The following FBN3 variants were observed in gnomAD, a reference collection of about 807,000 sequenced individuals.
FBN3 encodes fibrillin 3.
FBN3 carries 234 observed loss-of-function variants against 330.1 expected under a neutral mutation model. The ratio of observed to expected loss-of-function variants is 0.71; its 90% CI spans 0.64 to 0.79. The LOEUF is 0.79. Among genes scored for constraint, FBN3 ranks in the 30% least tolerant of loss-of-function variants. The probability of loss-of-function intolerance (pLI) is 0.00; values close to 1 mark genes in which losing one functional copy is unlikely to be tolerated. For missense variants in FBN3, 3,606 were observed against 3,886.9 expected (o/e 0.93, Z 1.92); for synonymous variants, 1,458 against 1,517.3 (o/e 0.96, Z 0.91).
At chr19:8,100,659 C>T (rs2082308124) in intron 41 of FBN3, among the ~76,000 whole-genome samples, 1 of 152,082 alleles carries the variant, frequency 6.6e-6, no homozygotes, top group East Asian at 1.9e-4. Context: ...TTTTATGTTG[C>T]ATATATTTTA....
chr19:8,091,423 C>G (rs752987141), intron 48 of FBN3, 42 bp downstream of exon 48: 1 of 1,607,822 alleles, frequency 6.2e-7, no homozygotes. Context: ...CCCTTCCCCG[C>G]CCCACTTCCC....
rs1378375047 is a variant in FBN3, at chr19:8,096,314, T to C, written c.5539+130A>G. ...AGGCAGATCAACCATTTACCCAAGA[T>C]CTTAATCTCAGGACCCAAACTTGGA... On this transcript the variant is annotated intron_variant, in intron 44 of 63. Coordinates refer to ENST00000600128, the MANE Select transcript of FBN3 (RefSeq NM_032447.5). The surrounding 1 kb of genome is among the most constrained non-coding windows in gnomAD (Gnocchi z 4.6). 10 of 1,194,560 alleles carry C rather than the reference T, an allele frequency of 8.4e-6. No individual in the cohort carries two copies. The highest frequency in any genetic ancestry group is 1.2e-5 in the Non-Finnish European group (10 of 858,964). The allele number at this position is 1,194,560 out of a possible 1,614,324, so 74.0% of individuals were successfully genotyped here. A position where few individuals can be genotyped will look rare whatever the true frequency, so the allele number is the denominator to read the frequency against.
chr19:8,118,800 C>T (rs1251841343), intron 26 of FBN3, 97 bp downstream of exon 26: 2 of 1,455,936 alleles, frequency 1.4e-6, no homozygotes, highest in South Asian at 1.3e-5. Context: ...TACACATGCC[C>T]ACCCTCTCAC....
chr19:8,102,010 G>C (rs1344078301), intron 40 of FBN3, among the ~76,000 whole-genome samples: 1 of 152,152 alleles, frequency 6.6e-6, no homozygotes, highest in Non-Finnish European at 1.5e-5. Flanking sequence ...AGTCATGGGG[G>C]TGGGTCTTTC....
chr19:8,114,179 A>G (rs554324781), intron 30 of FBN3, among the ~76,000 whole-genome samples: 15 of 152,206 alleles, frequency 9.9e-5, no homozygotes, highest in African/African-American at 3.6e-4. Flanking sequence ...AACCCTGTAG[A>G]CACCTTGATT....
Position 8,104,306 on chromosome 19 carries a change from T to C in FBN3, c.4814-619A>G, listed in dbSNP as rs369336392. The stretch of plus-strand genomic sequence containing the variant: ...GGGCAACATAGTGAGGTCCCATCTC[T>C]ACAAAAAATGAAAATTTAGCTGGGC... On this transcript the variant is annotated intron_variant, in intron 38 of 63. Transcript: ENST00000600128. 9.9e-5 allele frequency among the ~76,000 whole-genome samples: 15 copies of C among 150,904 alleles called. No individual in the cohort carries two copies. The South Asian group carries it at 3.2e-3, about 32-fold the overall frequency.
intron 30 of FBN3, 112 bp from the exon 31 acceptor site, chr19:8,112,211 A>G: frequency 8.7e-7 from 1 of 1,154,662 alleles, no homozygotes; most frequent in Non-Finnish European, 1.2e-6. Context: ...CTGGCCCAGA[A>G]AGCCTCCTCC....
chr19:8,109,780 C>G lies in FBN3; in HGVS notation c.4334-27G>C, dbSNP rs748723803. The G allele has an allele frequency of 2.1e-6, 3 of 1,436,782 alleles. No individual in the cohort carries two copies. The highest frequency in any genetic ancestry group is 1.4e-5 in the African/African-American group (1 of 68,972). The allele number at this position is 1,436,782 out of a possible 1,614,324, so 89.0% of individuals were successfully genotyped here. A position where few individuals can be genotyped will look rare whatever the true frequency, so the allele number is the denominator to read the frequency against. On this transcript the variant is annotated intron_variant, in intron 34 of 63. Coordinates refer to ENST00000600128, the MANE Select transcript of FBN3 (RefSeq NM_032447.5). The surrounding 1 kb of genome is among the most constrained non-coding windows in gnomAD (Gnocchi z 5.2). Reference sequence around the variant, plus strand: ...TGTAGGGAGGAAGCGCGGTCCTCAGCAGGGAGCCCCTTCCTCGGCCCCCCT... The same window carrying G: ...TGTAGGGAGGAAGCGCGGTCCTCAGGAGGGAGCCCCTTCCTCGGCCCCCCT...
At chr19:8,113,461 G>A (rs1230932190) in intron 30 of FBN3, among the ~76,000 whole-genome samples, 1 of 152,032 alleles carries the variant, frequency 6.6e-6, no homozygotes, top group Non-Finnish European at 1.5e-5. Context: ...AAACACCTGA[G>A]CTCAAGAATC....
In FBN3 at chr19:8,075,265, G is replaced by T; in HGVS notation, c.7582+18C>A. ...CAACACCCCCAAACACTAGACCCCA[G>T]CCAAAGCTGGGCTGTACCTTCACAG... On this transcript the variant is annotated intron_variant, in intron 60 of 63. Coordinates refer to ENST00000600128, the MANE Select transcript of FBN3 (RefSeq NM_032447.5). The T allele has an allele frequency of 6.2e-7, 1 of 1,603,480 alleles. No homozygotes were observed. Among genetic ancestry groups the T allele is most frequent in the Non-Finnish European group, 8.5e-7 (1 of 1,172,628 alleles).
chr19:8,094,414 C>T (rs370623151), intron 47 of FBN3, 32 bp downstream of exon 47: 198 of 1,582,738 alleles, frequency 1.3e-4, no homozygotes, highest in African/African-American at 5.5e-4. Flanking sequence ...CACTCCCTGG[C>T]GCCAGAAACG....
At chr19:8,091,223 C>T (rs2082087799) in intron 48 of FBN3, among the ~76,000 whole-genome samples, 1 of 152,192 alleles carries the variant, frequency 6.6e-6, no homozygotes, top group Non-Finnish European at 1.5e-5. Flanking sequence ...GTGACCAATA[C>T]AAGGAAAACC....
chr19:8,125,010 C>A (rs1372646919), intron 22 of FBN3, among the ~76,000 whole-genome samples: 1 of 152,202 alleles, frequency 6.6e-6, no homozygotes, highest in African/African-American at 2.4e-5. Context: ...TCCATCGTAA[C>A]AAATGCACCT....
rs781440882 is a variant in FBN3 at position 8,073,200 on chromosome 19, G to A, written c.7800C>T (p.Asp2600=). Residue 2600 remains aspartate, a synonymous_variant, in exon 62 of 64, where the codon GAC becomes GAT. Coordinates refer to ENST00000600128, the MANE Select transcript of FBN3 (RefSeq NM_032447.5). The part of the protein sequence containing the change: ...GFRCVCPSGF[D]FDQALGGCQE... ...GGCAGCCCCCGAGGGCCTGATCAAAGTCAAAGCCAGAGGGGCAGACGCAGC... is the reference window on the plus strand; with the variant it reads ...GGCAGCCCCCGAGGGCCTGATCAAAATCAAAGCCAGAGGGGCAGACGCAGC... The A allele has an allele frequency of 6.2e-7, 1 of 1,614,054 alleles. No homozygotes were observed. Among genetic ancestry groups the A allele is most frequent in the South Asian group, 1.1e-5 (1 of 91,082 alleles).
In FBN3 at chr19:8,118,901, A is replaced by C; in HGVS notation, c.3333T>G (p.Cys1111Trp). ...CACACCCAGATGCACACTTACCCTC[A>C]CAGGCAGTGCCCTTGGCCGTCAGCT... ...GHELTAKGTA[C>W]EDIDECSLSD... The change falls in exon 26 of 64, where the codon TGT (cysteine) becomes TGG (tryptophan). Residue 1111 changes from cysteine to tryptophan, a missense_variant. By Grantham distance (215) the Cys-to-Trp change is radical. Coordinates refer to ENST00000600128, the MANE Select transcript of FBN3 (RefSeq NM_032447.5). The C allele has an allele frequency of 6.2e-7, 1 of 1,610,350 alleles. No individual in the cohort carries two copies. Among genetic ancestry groups the C allele is most frequent in the Non-Finnish European group, 8.5e-7 (1 of 1,176,866 alleles).
intron 30 of FBN3, among the ~76,000 whole-genome samples, chr19:8,113,265 AAAC>A (rs1176830847): frequency 2.0e-5 from 3 of 151,802 alleles, no homozygotes; most frequent in African/African-American, 7.3e-5. Context: ...GTTTCTACAA[AAAC>A]ACTTTTTTTT....
At chr19:8,105,442 G>A (rs1250563381) in intron 38 of FBN3, among the ~76,000 whole-genome samples, 1 of 151,850 alleles carries the variant, frequency 6.6e-6, no homozygotes, top group Non-Finnish European at 1.5e-5. Flanking sequence ...ATTTTTTGTA[G>A]AGACAAGGTT....
Position 8,096,383 on chromosome 19 carries a change from A to G in FBN3, c.5539+61T>C. The G allele has an allele frequency of 1.3e-6, 2 of 1,568,788 alleles. No individual in the cohort carries two copies. The highest frequency in any genetic ancestry group is 8.7e-7 in the Non-Finnish European group (1 of 1,154,384). ...TGGACAGAAACACCACTTCCATCCCAGGGGAGGTTTAGACCCCAGGCAGCC... is the reference window on the plus strand; with the variant it reads ...TGGACAGAAACACCACTTCCATCCCGGGGGAGGTTTAGACCCCAGGCAGCC... On this transcript the variant is annotated intron_variant, in intron 44 of 63. Coordinates refer to ENST00000600128, the MANE Select transcript of FBN3 (RefSeq NM_032447.5). This position sits in a 1 kb window ranked among gnomAD's most constrained non-coding sequence, Gnocchi z 4.6.
At position 8,117,559 on chromosome 19, in the gene FBN3, A is replaced by G. The variant is rs772914032; in HGVS notation, c.3368T>C (p.Leu1123Pro). 77 of 1,556,386 alleles carry G rather than the reference A, an allele frequency of 4.9e-5. No homozygotes were observed. Among genetic ancestry groups the G allele is most frequent in the Non-Finnish European group, 6.3e-5 (73 of 1,149,726 alleles). Residue 1123 changes from leucine to proline, a missense_variant, in exon 27 of 64, where the codon CTG (leucine) becomes CCG (proline). Coordinates refer to ENST00000600128, the MANE Select transcript of FBN3 (RefSeq NM_032447.5). ...ATTGACACACTGGCCATGGGGACAC[A>G]GGCCATCACTCAGGGAGCACTCATC... Reference protein sequence around the residue: ...DIDECSLSDGLCPHGQCVNVI... With the variant: ...DIDECSLSDGPCPHGQCVNVI...
Sources: allele counts gnomAD v4.1 joint callset (sites outside exome capture counted in the v4.1 genomes callset), GRCh38; gene constraint gnomAD v4.1.1; non-coding constraint Gnocchi (gnomAD v3.1); transcripts MANE v1.5; gene names NCBI Gene and HGNC (gene_info 2026-07-23, HGNC 2026-07-21).